The following ZNF385D variants were observed in gnomAD, a reference collection of about 807,000 sequenced individuals.
The protein encoded by ZNF385D is zinc finger protein 659.
A neutral mutation model predicts 35.8 loss-of-function variants in ZNF385D; 15 were observed. That is an observed-to-expected ratio of 0.42 (90% CI 0.28 to 0.64). The LOEUF is 0.64. Ranked by LOEUF, ZNF385D falls within the 30% of genes least tolerant of loss-of-function variation. ZNF385D has a pLI of 0.23. For synonymous variants in ZNF385D, 212 were observed against 186.8 expected, an observed-to-expected ratio of 1.13 and a Z score of -1.10; for missense variants, 474 against 494.6, an observed-to-expected ratio of 0.96 and a Z score of 0.39.
chr3:21,996,713 A>C (rs1249174356), intron 3 of ZNF385D, among the ~76,000 whole-genome samples: 1 of 152,172 alleles, frequency 6.6e-6, no homozygotes, highest in Non-Finnish European at 1.5e-5. Context: ...TTTATATTGG[A>C]AAGTGTAATT....
intron 3 of ZNF385D, among the ~76,000 whole-genome samples, chr3:21,973,973 A>G (rs924820459): frequency 1.3e-5 from 2 of 152,048 alleles, no homozygotes; most frequent in Admixed American, 6.6e-5. Context: ...TAGAATATAT[A>G]TTTTTAAAAA....
At chr3:21,490,151 T>A (rs936653509) in intron 4 of ZNF385D, among the ~76,000 whole-genome samples, 5 of 152,126 alleles carry the variant, frequency 3.3e-5, no homozygotes, top group Non-Finnish European at 7.4e-5. Flanking sequence ...CTCTTTTGTA[T>A]TTTTTATATT....
intron 1 of ZNF385D, among the ~76,000 whole-genome samples, chr3:21,666,592 G>A (rs1187286089): frequency 6.6e-6 from 1 of 152,126 alleles, no homozygotes; most frequent in Non-Finnish European, 1.5e-5. Context: ...ATTCACCAGA[G>A]CACACACACT....
At chr3:22,311,127 G>A (rs1403649475) in intron 2 of ZNF385D, among the ~76,000 whole-genome samples, 1 of 151,748 alleles carries the variant, frequency 6.6e-6, no homozygotes, top group African/African-American at 2.4e-5. Context: ...ACCAGAGACA[G>A]AAGAAAGGAG....
intron 1 of ZNF385D, among the ~76,000 whole-genome samples, chr3:21,732,927 G>T (rs2069084053): frequency 6.6e-6 from 1 of 152,136 alleles, no homozygotes; most frequent in African/African-American, 2.4e-5. Flanking sequence ...GTCTTTCGTG[G>T]ATCATGGCTT....
intron 3 of ZNF385D, among the ~76,000 whole-genome samples, chr3:21,982,642 CAG>C (rs542751069): frequency 6.8e-4 from 103 of 152,210 alleles, no homozygotes; most frequent in Admixed American, 1.8e-3. Flanking sequence ...TGGTGACAGA[CAG>C]CATACTTGTC....
At chr3:21,803,241 G>C (rs1232951908) in intron 3 of ZNF385D, among the ~76,000 whole-genome samples, 1 of 152,006 alleles carries the variant, frequency 6.6e-6, no homozygotes, top group African/African-American at 2.4e-5. Flanking sequence ...TAGAATCAAA[G>C]CACAAAAGAT....
intron 3 of ZNF385D, among the ~76,000 whole-genome samples, chr3:21,802,871 G>A (rs767366569): frequency 3.9e-5 from 6 of 152,178 alleles, no homozygotes; most frequent in Non-Finnish European, 8.8e-5. Flanking sequence ...AGATGTAAGT[G>A]CTCAAGGTTT....
chr3:21,968,899 T>G (rs952315323), intron 3 of ZNF385D, among the ~76,000 whole-genome samples: 1 of 152,162 alleles, frequency 6.6e-6, no homozygotes, highest in Admixed American at 6.5e-5. Context: ...CACAGTGGTG[T>G]GGAGTACCAA....
intron 1 of ZNF385D, among the ~76,000 whole-genome samples, chr3:21,748,502 C>T (rs1437442114): frequency 2.0e-5 from 3 of 152,120 alleles, no homozygotes; most frequent in African/African-American, 4.8e-5. Context: ...TCAATTCACC[C>T]GTACCATAGC....
At chr3:21,648,961 C>T (rs1401245581) in intron 2 of ZNF385D, among the ~76,000 whole-genome samples, 1 of 151,836 alleles carries the variant, frequency 6.6e-6, no homozygotes, top group East Asian at 1.9e-4. Context: ...ACAGGGAGAC[C>T]AAGTAACTTT....
chr3:21,606,310 T>C (rs2064482143), intron 2 of ZNF385D, among the ~76,000 whole-genome samples: 1 of 152,178 alleles, frequency 6.6e-6, no homozygotes, highest in Non-Finnish European at 1.5e-5. Context: ...TGACATGACA[T>C]ATTCATTCCT....
At chr3:22,032,428 C>T (rs1444629968) in intron 3 of ZNF385D, among the ~76,000 whole-genome samples, 1 of 152,156 alleles carries the variant, frequency 6.6e-6, no homozygotes, top group African/African-American at 2.4e-5. Context: ...TGAGAACCCC[C>T]TCACTATCAC....
In ZNF385D at chr3:22,004,434, A is replaced by C. The variant is rs146423104; in HGVS notation, c.325+164383T>G. Reference sequence around the variant, plus strand: ...ACAAAAACAAAAATAGACAAATGAGATTATATTAAACTAAAAAGCTTTTGC... The same window carrying C: ...ACAAAAACAAAAATAGACAAATGAGCTTATATTAAACTAAAAAGCTTTTGC... On this transcript the variant is annotated intron_variant, in intron 3 of 5. Transcript: ENST00000494108. 1.2e-4 allele frequency among the ~76,000 whole-genome samples: 18 copies of C among 152,328 alleles called. No homozygotes were observed. The East Asian group carries it at 3.5e-3, about 29-fold the overall frequency.
In ZNF385D at chr3:22,085,411, G is replaced by A. The variant is rs751578904; in HGVS notation, c.325+83406C>T. ...AAGGCGATATCACCACCGATCCCAC[G>A]GAAATACAAACTATCATCAGAGAAT... is the stretch of plus-strand genomic sequence containing the variant. On this transcript the variant is annotated intron_variant, in intron 3 of 5. Coordinates refer to the ZNF385D transcript ENST00000494108. 3.6e-4 allele frequency among the ~76,000 whole-genome samples: 55 copies of A among 152,044 alleles called. 1 individual carries two copies. The East Asian group carries it at 3.9e-3, about 11-fold the overall frequency.
At chr3:22,143,449 T>G (rs1389070739) in intron 3 of ZNF385D, among the ~76,000 whole-genome samples, 1 of 152,122 alleles carries the variant, frequency 6.6e-6, no homozygotes, top group African/African-American at 2.4e-5. Flanking sequence ...GGAAGACCTT[T>G]TTCACACTCC....
intron 3 of ZNF385D, among the ~76,000 whole-genome samples, chr3:22,155,019 G>C (rs143192261): frequency 1.3e-5 from 2 of 152,184 alleles, no homozygotes; most frequent in African/African-American, 4.8e-5. Flanking sequence ...GTGTAAGGGA[G>C]AACAGGCAGA....
chr3:22,060,323 T>A (rs1205041940), intron 3 of ZNF385D, among the ~76,000 whole-genome samples: 1 of 152,196 alleles, frequency 6.6e-6, no homozygotes, highest in African/African-American at 2.4e-5. Context: ...TAAAGAACTC[T>A]GACTAACACA....
chr3:21,939,739 G>A (rs1701426251), intron 3 of ZNF385D, among the ~76,000 whole-genome samples: 1 of 152,278 alleles, frequency 6.6e-6, no homozygotes, highest in South Asian at 2.1e-4. Flanking sequence ...GGCTTACTGT[G>A]ATTGTAGGCT....
Sources: allele counts gnomAD v4.1 joint callset (sites outside exome capture counted in the v4.1 genomes callset), GRCh38; gene constraint gnomAD v4.1.1; transcripts MANE v1.5; gene names NCBI Gene and HGNC (gene_info 2026-07-23, HGNC 2026-07-21).